CMSS1: variants seen among roughly 807,000 people sequenced by gnomAD.
CMSS1 encodes the protein cms1 ribosomal small subunit homolog, also known as protein CMSS1.
Under a neutral mutation model 43.5 loss-of-function variants are expected in CMSS1, and 33 were observed. The observed-to-expected ratio is 0.76, with a 90% CI of 0.57 to 1.01. CMSS1 has a LOEUF of 1.01. Among genes scored for constraint, CMSS1 ranks in the 50% least tolerant of loss-of-function variants. CMSS1 has a pLI of 0.00. For missense variants in CMSS1, 313 were observed against 326.4 expected, an observed-to-expected ratio of 0.96 and a Z score of 0.32; for synonymous variants, 115 against 117.2, an observed-to-expected ratio of 0.98 and a Z score of 0.12.
chr3:100,167,392 A>G (rs2067073736), intron 5 of CMSS1, among the ~76,000 whole-genome samples: 1 of 152,232 alleles, frequency 6.6e-6, no homozygotes, highest in African/African-American at 2.4e-5. Flanking sequence ...TTTAAAATTT[A>G]ACATGATTGA....
intron 1 of CMSS1, among the ~76,000 whole-genome samples, chr3:99,857,462 TAAC>T (rs1174076730): frequency 6.6e-6 from 1 of 152,234 alleles, no homozygotes; most frequent in Non-Finnish European, 1.5e-5. Context: ...TCAACTCTGC[TAAC>T]AAAGGAGTGA....
Position 100,165,049 on chromosome 3 carries a change from C to T in CMSS1, c.356-1286C>T, listed in dbSNP as rs899879815. ...TAATTGCCTATAGGCTAGTTGCAAC[C>T]GAATCACCCAGGAACTTCTTAAAAA... On this transcript the variant is annotated intron_variant, in intron 4 of 9. Transcript: ENST00000421999. Among the ~76,000 whole-genome samples the T allele has an allele frequency of 1.4e-4, 21 of 152,082 alleles. 1 individual carries two copies. The highest frequency in any genetic ancestry group is 4.3e-4 in the African/African-American group (18 of 41,422).
At position 99,876,114 on chromosome 3, in the gene CMSS1, C is replaced by A. The variant is rs547301742; in HGVS notation, c.64+58071C>A. Reference sequence around the variant, plus strand: ...GGGCCGGGCGGGGGCCGGGCCGGGGCCGCTGTAGTGCCGCGCTGCGAGCCG... The same window carrying A: ...GGGCCGGGCGGGGGCCGGGCCGGGGACGCTGTAGTGCCGCGCTGCGAGCCG... On this transcript the variant is annotated intron_variant, in intron 1 of 9. Coordinates refer to ENST00000421999, the MANE Select transcript of CMSS1 (RefSeq NM_032359.4). The A allele has an allele frequency of 6.5e-4, 640 of 986,626 alleles. 4 individuals carry two copies. In the African/African-American group the frequency reaches 0.01, roughly 16 times the overall value. 61.1% of individuals were successfully genotyped at this position (986,626 alleles called of 1,614,324 possible). A position where few individuals can be genotyped will look rare whatever the true frequency, so the allele number is the denominator to read the frequency against.
chr3:100,139,589 ATGTGTGTGTATATATG>A lies in CMSS1; in HGVS notation c.65-7368_65-7353del, dbSNP rs1276756696. Among the ~76,000 whole-genome samples, 284 of 134,774 alleles carry A rather than the reference ATGTGTGTGTATATATG, an allele frequency of 2.1e-3. 4 individuals carry two copies. Among genetic ancestry groups the A allele is most frequent in the Non-Finnish European group, 3.4e-3 (214 of 63,762 alleles). 88.4% of individuals were successfully genotyped at this position (134,774 alleles called of 152,430 possible). A position where few individuals can be genotyped will look rare whatever the true frequency, so the allele number is the denominator to read the frequency against. On this transcript the variant is annotated intron_variant, in intron 1 of 9. Transcript: ENST00000421999. Reference sequence around the variant, plus strand: ...TGTATGTATATATATGTGTATATATATGTGTGTGTATATATGTGTGTGTGTATATATATATATATAT... The same window carrying A: ...TGTATGTATATATATGTGTATATATATGTGTGTGTATATATATATATATAT...
At chr3:99,909,074 C>G (rs770242359) in intron 1 of CMSS1, among the ~76,000 whole-genome samples, 18 of 152,106 alleles carry the variant, frequency 1.2e-4, no homozygotes, top group Non-Finnish European at 2.2e-4. Context: ...GAATGCTTAC[C>G]TGGAAAATGT....
chr3:100,013,502 C>A (rs998015722), intron 1 of CMSS1, among the ~76,000 whole-genome samples: 1 of 152,090 alleles, frequency 6.6e-6, no homozygotes, highest in African/African-American at 2.4e-5. Flanking sequence ...CCTCGGCCTC[C>A]CAAAGTGCTG....
intron 1 of CMSS1, among the ~76,000 whole-genome samples, chr3:100,059,781 A>G (rs2065528730): frequency 6.6e-6 from 1 of 152,182 alleles, no homozygotes; most frequent in African/African-American, 2.4e-5. Flanking sequence ...GTCAAGAGAA[A>G]TCAGAAATCC....
intron 1 of CMSS1, among the ~76,000 whole-genome samples, chr3:99,900,859 G>A (rs969321736): frequency 1.3e-5 from 2 of 152,184 alleles, no homozygotes; most frequent in Non-Finnish European, 2.9e-5. Flanking sequence ...ATTCTTACAT[G>A]TAGCAAAGTG....
chr3:100,005,141 T>C (rs913413473), intron 1 of CMSS1, among the ~76,000 whole-genome samples: 16 of 152,204 alleles, frequency 1.1e-4, no homozygotes, highest in Non-Finnish European at 1.6e-4. Context: ...CTTATCTTAC[T>C]CAAGGAAGTG....
At chr3:100,141,530 G>T (rs1371108300) in intron 1 of CMSS1, 3 of 455,990 alleles carry the variant, frequency 6.6e-6, no homozygotes, top group Non-Finnish European at 8.8e-6. Context: ...CCATTGCCAG[G>T]GCCCCTCCCA....
At chr3:99,924,811 G>A (rs1171472254) in intron 1 of CMSS1, among the ~76,000 whole-genome samples, 3 of 152,166 alleles carry the variant, frequency 2.0e-5, no homozygotes, top group Non-Finnish European at 2.9e-5. Flanking sequence ...CATGAGCCAC[G>A]GCGCCCGGCC....
rs571336711 is a variant in CMSS1, at chr3:99,942,899, G to A, written c.64+124856G>A. On this transcript the variant is annotated intron_variant, in intron 1 of 9. Transcript: ENST00000421999. ...AAAGAGAGTGCCATGGGGGAAAGGG[G>A]AGAAAAGAAGAAGGAAGGCACCAAG... Among the ~76,000 whole-genome samples the A allele has an allele frequency of 4.6e-5, 7 of 152,182 alleles. No individual in the cohort carries two copies. The East Asian group carries it at 1.4e-3, about 29-fold the overall frequency.
At chr3:100,071,210 G>T (rs139015215) in intron 1 of CMSS1, among the ~76,000 whole-genome samples, 8 of 146,722 alleles carry the variant, frequency 5.5e-5, no homozygotes, top group African/African-American at 2.0e-4. Flanking sequence ...GTGGAGAAAA[G>T]AAATTAGATT....
At chr3:99,871,755 TGTCTTTGACCACAGAGTACACA>T (rs1341835919) in intron 1 of CMSS1, among the ~76,000 whole-genome samples, 1 of 152,204 alleles carries the variant, frequency 6.6e-6, no homozygotes, top group Non-Finnish European at 1.5e-5. Flanking sequence ...CAGACCCAAA[TGTCTTTGACCACAGAGTACACA>T]GTCTTTCCAG....
intron 1 of CMSS1, among the ~76,000 whole-genome samples, chr3:99,978,119 A>G (rs989294017): frequency 1.3e-5 from 2 of 152,216 alleles, no homozygotes; most frequent in African/African-American, 4.8e-5. Flanking sequence ...TTATAAATAA[A>G]ATTTTAATAG....
chr3:99,911,603 A>T (rs567484304), intron 1 of CMSS1, among the ~76,000 whole-genome samples: 1 of 152,200 alleles, frequency 6.6e-6, no homozygotes, highest in Non-Finnish European at 1.5e-5. Context: ...TTTTTAATGT[A>T]CCTGTGAGTG....
intron 1 of CMSS1, among the ~76,000 whole-genome samples, chr3:100,106,335 T>G (rs1161682836): frequency 6.6e-6 from 1 of 152,164 alleles, no homozygotes; most frequent in East Asian, 1.9e-4. Flanking sequence ...AGCCTAGGCA[T>G]GACTGATTCT....
intron 1 of CMSS1, among the ~76,000 whole-genome samples, chr3:99,960,155 A>C (rs148063823): frequency 1.2e-4 from 18 of 152,316 alleles, no homozygotes; most frequent in African/African-American, 4.3e-4. Context: ...CCTGCCAAGT[A>C]CCGGAGAGAA....
intron 1 of CMSS1, among the ~76,000 whole-genome samples, chr3:100,042,206 A>AT (rs2065216744): frequency 6.6e-6 from 1 of 152,186 alleles, no homozygotes; most frequent in African/African-American, 2.4e-5. Flanking sequence ...AGCCACTGAA[A>AT]TTTTTTAAAG....
Sources: gnomAD v4.1 joint callset for allele counts (sites outside exome capture counted in the v4.1 genomes callset) on GRCh38, gnomAD v4.1.1 for gene constraint, MANE v1.5 for transcripts, NCBI Gene and HGNC (gene_info 2026-07-23, HGNC 2026-07-21) for gene names.